RIPOR3: variants seen among roughly 807,000 people sequenced by gnomAD.
The protein encoded by RIPOR3 is RIPOR family member 3.
A neutral mutation model predicts 114.3 loss-of-function variants in RIPOR3; 95 were observed. That is an observed-to-expected ratio of 0.83 (90% CI 0.70 to 0.99). The LOEUF is 0.99. Ranked by LOEUF, RIPOR3 falls within the 50% of genes least tolerant of loss-of-function variation. The pLI is 0.00. For missense variants in RIPOR3, 1,252 were observed against 1,266.9 expected (o/e 0.99, Z 0.18); for synonymous variants, 575 against 543.8 (o/e 1.06, Z -0.80).
rs2083512958 is a variant in RIPOR3, at chr20:50,602,026, T to A, written c.1659+46A>T. The A allele has an allele frequency of 7.0e-7, 1 of 1,436,624 alleles. No individual in the cohort carries two copies. Among genetic ancestry groups the A allele is most frequent in the Non-Finnish European group, 9.1e-7 (1 of 1,095,392 alleles). The allele number at this position is 1,436,624 out of a possible 1,614,324, so 89.0% of individuals were successfully genotyped here. A position where few individuals can be genotyped will look rare whatever the true frequency, so the allele number is the denominator to read the frequency against. On this transcript the variant is annotated intron_variant, in intron 13 of 21. Coordinates refer to ENST00000327979, the MANE Select transcript of RIPOR3 (RefSeq NM_001290268.2). This position sits in a 1 kb window ranked among gnomAD's most constrained non-coding sequence, Gnocchi z 4.3. ...CAGAGCCCCCGACTCCCAGTCATCATGCCATCAGCAAAGCAGGGCCACCGC... is the reference window on the plus strand; with the variant it reads ...CAGAGCCCCCGACTCCCAGTCATCAAGCCATCAGCAAAGCAGGGCCACCGC...
At chr20:50,668,891 G>GCA (rs1439728287) in intron 1 of RIPOR3, among the ~76,000 whole-genome samples, 2 of 151,812 alleles carry the variant, frequency 1.3e-5, no homozygotes, top group Non-Finnish European at 2.9e-5. Flanking sequence ...TGATGAGGCT[G>GCA]CACACACACA....
chr20:50,603,221 G>A (rs1194891110), intron 12 of RIPOR3, among the ~76,000 whole-genome samples: 1 of 152,162 alleles, frequency 6.6e-6, no homozygotes, highest in Non-Finnish European at 1.5e-5. Context: ...TGGAGCAGAG[G>A]CTGGCATATA....
intron 1 of RIPOR3, among the ~76,000 whole-genome samples, chr20:50,660,923 A>T (rs1280829768): frequency 6.7e-6 from 1 of 149,370 alleles, no homozygotes; most frequent in Non-Finnish European, 1.5e-5. Flanking sequence ...GAACCACCAC[A>T]CCTGGCTAAT....
intron 1 of RIPOR3, among the ~76,000 whole-genome samples, chr20:50,654,259 C>G (rs753421444): frequency 3.3e-4 from 49 of 150,038 alleles, no homozygotes; most frequent in Non-Finnish European, 6.4e-4. Flanking sequence ...CTCCACCTCC[C>G]GGGTTCAAGT....
intron 1 of RIPOR3, among the ~76,000 whole-genome samples, chr20:50,686,844 C>A (rs578162745): frequency 6.6e-6 from 1 of 152,094 alleles, no homozygotes; most frequent in South Asian, 2.1e-4. Context: ...ATTGCAGTTG[C>A]GTTTCTCTTA....
chr20:50,636,163 C>T (rs1052447111), intron 1 of RIPOR3, among the ~76,000 whole-genome samples: 2 of 152,178 alleles, frequency 1.3e-5, no homozygotes, highest in Non-Finnish European at 2.9e-5. Flanking sequence ...AAGAAACAGA[C>T]CTCCCCCTGG....
intron 1 of RIPOR3, among the ~76,000 whole-genome samples, chr20:50,686,230 G>A (rs2123639563): frequency 6.6e-6 from 1 of 151,742 alleles, no homozygotes; most frequent in Non-Finnish European, 1.5e-5. Flanking sequence ...CTAATTTTTT[G>A]TATTTTTAGT....
intron 1 of RIPOR3, among the ~76,000 whole-genome samples, chr20:50,671,790 GGATGGATGGATGGATGGATA>G (rs1414168626): frequency 2.0e-4 from 31 of 151,998 alleles, no homozygotes; most frequent in Admixed American, 5.2e-4. Flanking sequence ...GCGAAGGGAT[GGATGGATGGATGGATGGATA>G]GATGGATGGA....
At chr20:50,619,009 G>A (rs1454784448) in intron 3 of RIPOR3, among the ~76,000 whole-genome samples, 4 of 151,942 alleles carry the variant, frequency 2.6e-5, no homozygotes, top group Admixed American at 2.6e-4. Flanking sequence ...TCAGGAGTTC[G>A]AGACCAGCCT....
intron 8 of RIPOR3, 119 bp from the exon 9 acceptor site, chr20:50,609,074 G>T (rs548072408): frequency 6.1e-5 from 86 of 1,400,366 alleles, no homozygotes; most frequent in Middle Eastern, 1.8e-4. Flanking sequence ...GTGAGGATGG[G>T]GGGGAGGTAC....
chr20:50,666,587 C>T (rs1001621473), intron 1 of RIPOR3, among the ~76,000 whole-genome samples: 45 of 150,596 alleles, frequency 3.0e-4, no homozygotes, highest in African/African-American at 7.1e-4. Context: ...TTTTTTGAGA[C>T]GGCGTCTCAC....
Position 50,611,173 on chromosome 20 carries a change from A to C in RIPOR3, c.372+8T>G. The C allele has an allele frequency of 6.2e-7, 1 of 1,614,204 alleles. No individual in the cohort carries two copies. Among genetic ancestry groups the C allele is most frequent in the Non-Finnish European group, 8.5e-7 (1 of 1,180,040 alleles). ...CCAGCCCACCTCACTCACCGTATGC[A>C]GACTCACCTTGTCCAGGTCATAATA... On this transcript the variant is annotated splice_region_variant and intron_variant, in intron 5 of 21. Transcript: ENST00000327979.
intron 1 of RIPOR3, among the ~76,000 whole-genome samples, chr20:50,681,769 T>C (rs1476240557): frequency 6.6e-6 from 1 of 152,210 alleles, no homozygotes; most frequent in Non-Finnish European, 1.5e-5. Flanking sequence ...AAGGAAAAGT[T>C]GATGTTATCA....
At position 50,587,296 on chromosome 20, in the gene RIPOR3, T is replaced by G. The variant is rs756288311; in HGVS notation, c.2789A>C (p.Lys930Thr). 6.2e-7 allele frequency: 1 copy of G among 1,614,234 alleles called. No homozygotes were observed. ...GACTTCTCTTTGTTCTGAGCAGAGC[T>G]TGTCCATCTTCTCAAAAGCTAACCG... Reference protein sequence around the residue: ...KGRLAFEKMDKLCSEQREVFC... With the variant: ...KGRLAFEKMDTLCSEQREVFC... Residue 930 changes from lysine to threonine, a missense_variant, in exon 22 of 22, where the codon AAG (lysine) becomes ACG (threonine). Coordinates refer to ENST00000327979, the MANE Select transcript of RIPOR3 (RefSeq NM_001290268.2).
At chr20:50,667,415 T>G (rs374699469) in intron 1 of RIPOR3, among the ~76,000 whole-genome samples, 3 of 143,506 alleles carry the variant, frequency 2.1e-5, no homozygotes, top group African/African-American at 7.7e-5. Context: ...TGCCTCAACC[T>G]CCCAAGTAGC....
intron 1 of RIPOR3, among the ~76,000 whole-genome samples, chr20:50,634,033 G>A (rs952149740): frequency 1.4e-5 from 2 of 141,910 alleles, no homozygotes; most frequent in Non-Finnish European, 3.0e-5. Context: ...CCAGGCTGGC[G>A]TGCAGTGACA....
intron 11 of RIPOR3, among the ~76,000 whole-genome samples, chr20:50,605,378 G>A (rs1184221079): frequency 1.3e-5 from 2 of 152,090 alleles, no homozygotes; most frequent in Non-Finnish European, 2.9e-5. Context: ...CACGCGAGAC[G>A]GAACTGAATT....
intron 2 of RIPOR3, among the ~76,000 whole-genome samples, chr20:50,627,415 CAGG>C (rs1216742611): frequency 6.7e-6 from 1 of 150,170 alleles, no homozygotes; most frequent in Non-Finnish European, 1.5e-5. Context: ...GAGGCTGAGA[CAGG>C]AGAATTGCTT....
chr20:50,629,867 C>A (rs6020650), intron 2 of RIPOR3, among the ~76,000 whole-genome samples: 1 of 152,206 alleles, frequency 6.6e-6, no homozygotes, highest in Non-Finnish European at 1.5e-5. Flanking sequence ...TTCCCAACCC[C>A]GCCCGTGGAA....
Sources: gnomAD v4.1 joint callset for allele counts (sites outside exome capture counted in the v4.1 genomes callset) on GRCh38, gnomAD v4.1.1 for gene constraint, Gnocchi (gnomAD v3.1) non-coding constraint, MANE v1.5 for transcripts, NCBI Gene and HGNC (gene_info 2026-07-23, HGNC 2026-07-21) for gene names.